Variants in KCNN2 observed in about 807,000 individuals in gnomAD.
KCNN2 encodes the protein small conductance calcium-activated potassium channel protein 2.
Under a neutral mutation model 55.5 loss-of-function variants are expected in KCNN2, and 24 were observed. That is an observed-to-expected ratio of 0.43 (90% CI 0.31 to 0.61). The LOEUF (loss-of-function observed/expected upper bound fraction) is 0.61. Among genes scored for constraint, KCNN2 ranks in the 20% least tolerant of loss-of-function variants. The pLI is 0.08. For synonymous variants in KCNN2, 431 were observed against 336.1 expected, an observed-to-expected ratio of 1.28 and a Z score of -3.09; for missense variants, 754 against 853.6, an observed-to-expected ratio of 0.88 and a Z score of 1.45.
intron 2 of KCNN2, among the ~76,000 whole-genome samples, chr5:114,370,940 C>G (rs549228835): frequency 6.8e-6 from 1 of 146,758 alleles, no homozygotes; most frequent in Non-Finnish European, 1.5e-5. Flanking sequence ...GGTCTGGATA[C>G]TATTAGGTAG....
intron 2 of KCNN2, among the ~76,000 whole-genome samples, chr5:114,270,987 C>T (rs1490243847): frequency 1.3e-5 from 2 of 152,058 alleles, no homozygotes; most frequent in African/African-American, 4.8e-5. Context: ...GTGAGCAGCC[C>T]ATAAAGAGTG....
At chr5:114,129,238 C>T (rs141396679) in intron 1 of KCNN2, among the ~76,000 whole-genome samples, 5 of 152,274 alleles carry the variant, frequency 3.3e-5, no homozygotes, top group African/African-American at 1.2e-4. Flanking sequence ...TTCCATTAGC[C>T]AAACCCAGCT....
In KCNN2 at chr5:114,111,821, G is replaced by A. The variant is rs538343475; in HGVS notation, c.-271+55321G>A. Among the ~76,000 whole-genome samples, 12 of 152,232 alleles carry A rather than the reference G, an allele frequency of 7.9e-5. No homozygotes were observed. The East Asian group carries it at 1.7e-3, about 22-fold the overall frequency. ...TAGAATGGTGATCATTGTAAAGTCA[G>A]GAAACAACAGGTGCTGGAGAGGATG... On this transcript the variant is annotated intron_variant, in intron 1 of 10. Transcript: ENST00000512097.
intron 1 of KCNN2, among the ~76,000 whole-genome samples, chr5:114,134,321 T>C (rs185390548): frequency 2.0e-5 from 3 of 151,218 alleles, no homozygotes; most frequent in African/African-American, 7.3e-5. Flanking sequence ...GGAAACTTTT[T>C]GAATTTAGAA....
chr5:114,120,752 GACC>G (rs1352182624), intron 1 of KCNN2, among the ~76,000 whole-genome samples: 2,334 of 152,238 alleles, frequency 0.015, 62 homozygotes, highest in African/African-American at 0.054. Flanking sequence ...TAAATAATTA[GACC>G]AAATAATTTT....
intron 2 of KCNN2, among the ~76,000 whole-genome samples, chr5:114,396,388 A>T (rs1758618292): frequency 6.6e-6 from 1 of 152,176 alleles, no homozygotes; most frequent in Admixed American, 6.6e-5. Flanking sequence ...TTGTGGAAGA[A>T]TTGAAAACTT....
intron 2 of KCNN2, among the ~76,000 whole-genome samples, chr5:114,346,151 T>C (rs1298045069): frequency 2.0e-5 from 3 of 152,102 alleles, no homozygotes; most frequent in Admixed American, 6.6e-5. Context: ...AAAGCAGGAA[T>C]TGGGGTTGGG....
Position 114,337,203 on chromosome 5 carries a change from T to C in KCNN2, c.-184-23742T>C, listed in dbSNP as rs540968966. Among the ~76,000 whole-genome samples, 61 of 152,148 alleles carry C rather than the reference T, an allele frequency of 4.0e-4. No homozygotes were observed. The East Asian group carries it at 0.011, about 27-fold the overall frequency. Reference sequence around the variant, plus strand: ...GTGTTGATAGGACCTATTGAAATATTGGATATGATGGGTGAGGAAATGAAA... The same window carrying C: ...GTGTTGATAGGACCTATTGAAATATCGGATATGATGGGTGAGGAAATGAAA... On this transcript the variant is annotated intron_variant, in intron 2 of 10. Coordinates refer to the KCNN2 transcript ENST00000512097.
intron 4 of KCNN2, among the ~76,000 whole-genome samples, chr5:114,472,080 A>C (rs1761771359): frequency 6.6e-6 from 1 of 152,086 alleles, no homozygotes; most frequent in Non-Finnish European, 1.5e-5. Flanking sequence ...TTGAGATTCT[A>C]TCTGGAGGTG....
chr5:114,336,488 A>C (rs1165313923), intron 2 of KCNN2, among the ~76,000 whole-genome samples: 1 of 152,240 alleles, frequency 6.6e-6, no homozygotes, highest in African/African-American at 2.4e-5. Context: ...TTCATTTCTA[A>C]GTTCATGTGC....
chr5:114,483,970 A>G (rs770440251), intron 5 of KCNN2, among the ~76,000 whole-genome samples: 8 of 152,186 alleles, frequency 5.3e-5, no homozygotes, highest in African/African-American at 1.9e-4. Flanking sequence ...GTGGAAATGC[A>G]TTGATCCATT....
intron 3 of KCNN2, among the ~76,000 whole-genome samples, chr5:114,442,598 C>G (rs949811667): frequency 6.6e-6 from 1 of 152,054 alleles, no homozygotes; most frequent in African/African-American, 2.4e-5. Context: ...CTATGAATAC[C>G]TCCTTTTTGA....
chr5:114,078,371 T>C (rs566984138), intron 1 of KCNN2, among the ~76,000 whole-genome samples: 7 of 152,218 alleles, frequency 4.6e-5, no homozygotes, highest in African/African-American at 1.4e-4. Context: ...GCTTTGTTTC[T>C]TGGCTTGATT....
intron 3 of KCNN2, among the ~76,000 whole-genome samples, chr5:114,427,286 A>T (rs975027861): frequency 6.6e-6 from 1 of 152,192 alleles, no homozygotes; most frequent in Non-Finnish European, 1.5e-5. Flanking sequence ...ATAATAAAAA[A>T]ATTTTGACAT....
At chr5:114,178,867 CA>C (rs772546791) in intron 1 of KCNN2, among the ~76,000 whole-genome samples, 13 of 152,172 alleles carry the variant, frequency 8.5e-5, no homozygotes, top group Non-Finnish European at 1.8e-4. Flanking sequence ...CAGTTAAGAG[CA>C]GAAATACCTG....
intron 3 of KCNN2, among the ~76,000 whole-genome samples, chr5:114,455,736 A>G (rs185449461): frequency 6.8e-4 from 104 of 152,374 alleles, no homozygotes; most frequent in Admixed American, 2.2e-3. Flanking sequence ...TCCAGTGAAC[A>G]CATGAATAAT....
intron 2 of KCNN2, among the ~76,000 whole-genome samples, chr5:114,227,427 G>T (rs181430274): frequency 6.6e-6 from 1 of 152,166 alleles, no homozygotes; most frequent in Admixed American, 6.5e-5. Flanking sequence ...ATGCCCTAAA[G>T]TACCCCGTAC....
chr5:114,190,275 C>A (rs1385267724), intron 1 of KCNN2, among the ~76,000 whole-genome samples: 1 of 152,078 alleles, frequency 6.6e-6, no homozygotes. Flanking sequence ...ATCTGCACTG[C>A]TCTTGTGCTT....
intron 2 of KCNN2, among the ~76,000 whole-genome samples, chr5:114,312,422 CACACACACACACATATATAT>C (rs1408283514): frequency 0.011 from 567 of 49,462 alleles, no homozygotes; most frequent in Non-Finnish European, 0.016. Context: ...CACACACACA[CACACACACACACATATATAT>C]ATATATATAT....
Sources: allele counts gnomAD v4.1 joint callset (sites outside exome capture counted in the v4.1 genomes callset), GRCh38; gene constraint gnomAD v4.1.1; transcripts MANE v1.5; gene names NCBI Gene and HGNC (gene_info 2026-07-23, HGNC 2026-07-21).